Variants in TTLL5 observed in about 807,000 individuals in gnomAD.
The protein encoded by TTLL5 is tubulin polyglutamylase TTLL5.
TTLL5 carries 132 observed loss-of-function variants against 168.4 expected under a neutral mutation model. That is an observed-to-expected ratio of 0.78 (90% CI 0.68 to 0.91). The LOEUF (loss-of-function observed/expected upper bound fraction) is 0.91, where lower values mean the gene tolerates loss of function less well. Ranked by LOEUF, TTLL5 falls within the 40% of genes least tolerant of loss-of-function variation. The pLI is 0.00. For missense variants in TTLL5, 1,545 were observed against 1,581.5 expected, an observed-to-expected ratio of 0.98 and a Z score of 0.39; for synonymous variants, 546 against 558.6, an observed-to-expected ratio of 0.98 and a Z score of 0.32.
At chr14:75,893,615 G>C (rs528417670) in intron 30 of TTLL5, among the ~76,000 whole-genome samples, 262 of 151,950 alleles carry the variant, frequency 1.7e-3, no homozygotes, top group African/African-American at 5.5e-3. Flanking sequence ...TCAGGAGATC[G>C]AGACCATCCT....
intron 31 of TTLL5, among the ~76,000 whole-genome samples, chr14:75,953,746 A>T (rs748109289): frequency 3.3e-5 from 5 of 152,212 alleles, no homozygotes; most frequent in Non-Finnish European, 5.9e-5. Flanking sequence ...TCAAAAGCAT[A>T]CATGGAAGAA....
intron 12 of TTLL5, among the ~76,000 whole-genome samples, chr14:75,724,687 A>G (rs999772763): frequency 2.6e-5 from 4 of 152,174 alleles, no homozygotes; most frequent in African/African-American, 9.7e-5. Context: ...GGTTTTGGCA[A>G]TCAGATAATC....
chr14:75,759,501 G>C (rs915120650), intron 18 of TTLL5, among the ~76,000 whole-genome samples: 2 of 152,084 alleles, frequency 1.3e-5, no homozygotes, highest in African/African-American at 4.8e-5. Context: ...TAAGAATATA[G>C]GAAGGGACAC....
chr14:75,726,024 A>G (rs942282786), intron 12 of TTLL5, among the ~76,000 whole-genome samples: 3 of 152,222 alleles, frequency 2.0e-5, no homozygotes, highest in Non-Finnish European at 4.4e-5. Flanking sequence ...ATAGCATTTC[A>G]GTGACAGTGA....
At chr14:75,877,634 A>G (rs902461359) in intron 29 of TTLL5, among the ~76,000 whole-genome samples, 5 of 152,238 alleles carry the variant, frequency 3.3e-5, no homozygotes, top group Non-Finnish European at 2.9e-5. Flanking sequence ...TTCCCAGGAC[A>G]TTGACTAATG....
chr14:75,742,642 C>T (rs1477501846), intron 15 of TTLL5, among the ~76,000 whole-genome samples: 4 of 152,268 alleles, frequency 2.6e-5, no homozygotes, highest in South Asian at 2.1e-4. Context: ...GTGATCCACC[C>T]GCCTTGGCCT....
At chr14:75,953,307 A>G (rs1486888608) in intron 31 of TTLL5, among the ~76,000 whole-genome samples, 1 of 152,202 alleles carries the variant, frequency 6.6e-6, no homozygotes, top group Non-Finnish European at 1.5e-5. Context: ...GGGAGTGTAA[A>G]TTGTATAATC....
chr14:75,908,009 C>A (rs1223058026), intron 31 of TTLL5, among the ~76,000 whole-genome samples: 1 of 152,228 alleles, frequency 6.6e-6, no homozygotes, highest in African/African-American at 2.4e-5. Context: ...GTATCCTTTA[C>A]AATCCACCCT....
intron 12 of TTLL5, among the ~76,000 whole-genome samples, chr14:75,721,251 A>G (rs1293392127): frequency 6.6e-6 from 1 of 151,848 alleles, no homozygotes; most frequent in Non-Finnish European, 1.5e-5. Context: ...CTGCACAGAG[A>G]AGGAATAAGC....
intron 3 of TTLL5, among the ~76,000 whole-genome samples, chr14:75,670,963 A>G (rs531586573): frequency 6.6e-6 from 1 of 152,350 alleles, no homozygotes; most frequent in South Asian, 2.1e-4. Context: ...GTCATATCTA[A>G]GAAACCATTG....
At chr14:75,863,522 G>A in intron 28 of TTLL5, 145 bp from the exon 29 acceptor site, 2 of 733,754 alleles carry the variant, frequency 2.7e-6, no homozygotes, top group Admixed American at 5.9e-5. Flanking sequence ...TAGTGGGGGA[G>A]TGAGATAATA....
intron 28 of TTLL5, among the ~76,000 whole-genome samples, chr14:75,847,309 C>CT (rs955035009): frequency 7.9e-5 from 12 of 151,870 alleles, no homozygotes; most frequent in South Asian, 4.2e-4. Flanking sequence ...GGCTGTATTT[C>CT]TTTTTTTTAT....
intron 27 of TTLL5, among the ~76,000 whole-genome samples, chr14:75,812,747 C>T (rs1894127121): frequency 6.6e-6 from 1 of 152,140 alleles, no homozygotes; most frequent in Non-Finnish European, 1.5e-5. Flanking sequence ...GTTCCTTTTA[C>T]CTGTTCTCTC....
chr14:75,817,963 G>A (rs1050387680), intron 27 of TTLL5, among the ~76,000 whole-genome samples: 43 of 146,934 alleles, frequency 2.9e-4, no homozygotes, highest in Admixed American at 1.2e-3. Flanking sequence ...TCAGCCTCCC[G>A]AGTAGCTGGG....
At chr14:75,907,740 G>T (rs2033201899) in intron 31 of TTLL5, among the ~76,000 whole-genome samples, 2 of 152,194 alleles carry the variant, frequency 1.3e-5, no homozygotes, top group South Asian at 4.1e-4. Flanking sequence ...AGTTCTTTTG[G>T]TAATTCTTAG....
intron 22 of TTLL5, among the ~76,000 whole-genome samples, chr14:75,776,428 C>CT (rs1035751622): frequency 3.1e-4 from 47 of 152,296 alleles, no homozygotes; most frequent in South Asian, 1.0e-3. Context: ...ATTGTTAAAG[C>CT]TACAAGGGTG....
intron 28 of TTLL5, among the ~76,000 whole-genome samples, chr14:75,825,702 G>A (rs1427945464): frequency 2.0e-5 from 3 of 152,234 alleles, no homozygotes; most frequent in South Asian, 4.1e-4. Flanking sequence ...TCAGAGTCCT[G>A]TAGAAGTGAT....
chr14:75,806,292 A>G (rs542478863), intron 27 of TTLL5, among the ~76,000 whole-genome samples: 2 of 152,206 alleles, frequency 1.3e-5, no homozygotes, highest in South Asian at 2.1e-4. Flanking sequence ...CAGCCTTTCA[A>G]AGTGCTGGGA....
chr14:75,799,795 C>T (rs1893185183), intron 27 of TTLL5, among the ~76,000 whole-genome samples: 1 of 152,138 alleles, frequency 6.6e-6, no homozygotes, highest in Non-Finnish European at 1.5e-5. Flanking sequence ...ACATAGGACC[C>T]CACTCCCTTC....
Sources: gnomAD v4.1 joint callset for allele counts (sites outside exome capture counted in the v4.1 genomes callset) on GRCh38, gnomAD v4.1.1 for gene constraint, MANE v1.5 for transcripts, NCBI Gene and HGNC (gene_info 2026-07-23, HGNC 2026-07-21) for gene names.